Variants in FBXL17 observed in about 807,000 individuals in gnomAD.
FBXL17 encodes F-box/LRR-repeat protein 17.
A neutral mutation model predicts 66.2 loss-of-function variants in FBXL17; 22 were observed. That is an observed-to-expected ratio of 0.33 (90% confidence interval 0.24 to 0.47). The LOEUF is 0.47. Among genes scored for constraint, FBXL17 ranks in the 20% least tolerant of loss-of-function variants. The pLI, the probability that FBXL17 is intolerant of heterozygous loss-of-function variation, is 1.00. For synonymous variants in FBXL17, 474 were observed against 400.5 expected (o/e 1.18, Z -2.19); for missense variants, 878 against 948.2 (o/e 0.93, Z 0.97).
At chr5:108,133,491 T>C (rs1409373760) in intron 6 of FBXL17, among the ~76,000 whole-genome samples, 1 of 152,162 alleles carries the variant, frequency 6.6e-6, no homozygotes, top group Non-Finnish European at 1.5e-5. Flanking sequence ...ATTCAGTCAT[T>C]CAATCAGAGC....
chr5:108,250,766 A>G (rs1756314290), intron 4 of FBXL17, among the ~76,000 whole-genome samples: 1 of 152,120 alleles, frequency 6.6e-6, no homozygotes, highest in African/African-American at 2.4e-5. Flanking sequence ...TTGCTTATAA[A>G]TTGTTTAATG....
chr5:108,150,176 T>C (rs1318687051), intron 6 of FBXL17, among the ~76,000 whole-genome samples: 1 of 152,178 alleles, frequency 6.6e-6, no homozygotes, highest in East Asian at 1.9e-4. Flanking sequence ...ACTAGGACAG[T>C]CTCCTATTAA....
At chr5:107,909,789 C>G (rs576502755) in intron 7 of FBXL17, among the ~76,000 whole-genome samples, 3 of 152,166 alleles carry the variant, frequency 2.0e-5, no homozygotes, top group Non-Finnish European at 2.9e-5. Flanking sequence ...TGAGCCAGGC[C>G]GTCAGAATGC....
intron 7 of FBXL17, among the ~76,000 whole-genome samples, chr5:107,917,501 C>T (rs1337633874): frequency 6.6e-6 from 1 of 152,074 alleles, no homozygotes; most frequent in African/African-American, 2.4e-5. Flanking sequence ...TTGTAGCATA[C>T]TGAGCACTTT....
intron 7 of FBXL17, among the ~76,000 whole-genome samples, chr5:107,995,516 CT>C (rs1753436162): frequency 6.6e-6 from 1 of 151,946 alleles, no homozygotes; most frequent in Non-Finnish European, 1.5e-5. Context: ...AGAGGACAAA[CT>C]TTCCCTTACT....
intron 6 of FBXL17, among the ~76,000 whole-genome samples, chr5:108,107,512 T>G (rs1032570527): frequency 1.3e-5 from 2 of 152,048 alleles, no homozygotes; most frequent in African/African-American, 4.8e-5. Context: ...CTTTGTTAGA[T>G]TCCTTTAAGA....
In FBXL17 at chr5:108,058,311, C is replaced by T. The variant is rs541748209; in HGVS notation, c.1746-37310G>A. On this transcript the variant is annotated intron_variant, in intron 6 of 8. Coordinates refer to ENST00000542267, the MANE Select transcript of FBXL17 (RefSeq NM_001163315.3). ...AAATGTGATTGCAAAGTTCCTTTCT[C>T]GAAGAGGAACATCTTACATTTAGAA... Among the ~76,000 whole-genome samples the T allele has an allele frequency of 4.6e-5, 7 of 152,264 alleles. No individual in the cohort carries two copies. In the East Asian group the frequency reaches 5.8e-4, roughly 13 times the overall value.
intron 6 of FBXL17, among the ~76,000 whole-genome samples, chr5:108,090,150 C>T (rs541878560): frequency 1.3e-5 from 2 of 152,224 alleles, no homozygotes; most frequent in Admixed American, 1.3e-4. Flanking sequence ...TTTTAATAAG[C>T]TTAATCATAA....
rs1373577028 is a variant in FBXL17 at position 108,173,848 on chromosome 5, A to C, written c.1745+12269T>G. Among the ~76,000 whole-genome samples the C allele has an allele frequency of 2.0e-5, 3 of 152,238 alleles. No homozygotes were observed. In the East Asian group the frequency reaches 5.8e-4, roughly 29 times the overall value. On this transcript the variant is annotated intron_variant, in intron 6 of 8. Transcript: ENST00000542267. ...TTCTTTTCAGCTGAGGATGTGCTAC[A>C]ACACTGCTTCATAGAGAAACAGCTG... is the stretch of plus-strand genomic sequence containing the variant.
intron 4 of FBXL17, among the ~76,000 whole-genome samples, chr5:108,305,561 T>G (rs1758799065): frequency 6.6e-6 from 1 of 151,968 alleles, no homozygotes; most frequent in South Asian, 2.1e-4. Flanking sequence ...CTAAAGAGTG[T>G]GGCATCTCCA....
intron 7 of FBXL17, among the ~76,000 whole-genome samples, chr5:107,982,021 A>G (rs1312722024): frequency 2.0e-5 from 3 of 152,234 alleles, no homozygotes; most frequent in Non-Finnish European, 4.4e-5. Flanking sequence ...CATTTCTAAT[A>G]TAATACGGAG....
At chr5:108,260,738 G>C (rs1756780255) in intron 4 of FBXL17, among the ~76,000 whole-genome samples, 1 of 152,248 alleles carries the variant, frequency 6.6e-6, no homozygotes, top group Non-Finnish European at 1.5e-5. Context: ...CAGAGGAGCA[G>C]AGGAGGCAAT....
chr5:107,861,504 C>T lies in FBXL17; in HGVS notation c.*216G>A, dbSNP rs538058501. On this transcript the variant is annotated 3_prime_UTR_variant, in exon 9 of 9. Coordinates refer to ENST00000542267, the MANE Select transcript of FBXL17 (RefSeq NM_001163315.3). The stretch of plus-strand genomic sequence containing the variant: ...TAAAAACTAAAAAGTTTGTGGCTTT[C>T]ATAATCTTTAATTTCTAAGAAAAAA... The T allele has an allele frequency of 5.3e-6, 2 of 378,486 alleles. No homozygotes were observed. Among genetic ancestry groups the T allele is most frequent in the East Asian group, 8.3e-5 (2 of 24,128 alleles). The allele number at this position is 378,486 out of a possible 1,614,324, so 23.4% of individuals were successfully genotyped here.
At chr5:108,121,439 G>A (rs186745355) in intron 6 of FBXL17, among the ~76,000 whole-genome samples, 15 of 152,258 alleles carry the variant, frequency 9.9e-5, no homozygotes, top group South Asian at 4.2e-4. Flanking sequence ...TGACAAAAAT[G>A]TAAAGCAAGG....
At chr5:108,356,786 C>T (rs1748025398) in intron 3 of FBXL17, among the ~76,000 whole-genome samples, 1 of 151,848 alleles carries the variant, frequency 6.6e-6, no homozygotes, top group Non-Finnish European at 1.5e-5. Context: ...ATAGAATGTA[C>T]AATACCAAGA....
At chr5:107,867,894 T>C (rs1748330493) in intron 8 of FBXL17, among the ~76,000 whole-genome samples, 1 of 152,236 alleles carries the variant, frequency 6.6e-6, no homozygotes, top group Admixed American at 6.5e-5. Context: ...ACACGTAGTA[T>C]TAGGCTTTCG....
chr5:108,281,329 A>G (rs1388582579), intron 4 of FBXL17, among the ~76,000 whole-genome samples: 2 of 151,994 alleles, frequency 1.3e-5, no homozygotes, highest in Admixed American at 6.6e-5. Context: ...CTCAGGCCAC[A>G]GTAGAATAAA....
chr5:108,253,795 C>A (rs1756460618), intron 4 of FBXL17, among the ~76,000 whole-genome samples: 1 of 152,056 alleles, frequency 6.6e-6, no homozygotes, highest in Non-Finnish European at 1.5e-5. Flanking sequence ...GAGTTCAAGA[C>A]CAGCCTGGGC....
chr5:108,180,691 A>G (rs1387155488), intron 6 of FBXL17, among the ~76,000 whole-genome samples: 1 of 152,150 alleles, frequency 6.6e-6, no homozygotes, highest in African/African-American at 2.4e-5. Flanking sequence ...ACATAAATAC[A>G]AGATTCACAC....
Sources: gnomAD v4.1 joint callset for allele counts (sites outside exome capture counted in the v4.1 genomes callset) on GRCh38, gnomAD v4.1.1 for gene constraint, MANE v1.5 for transcripts, NCBI Gene and HGNC (gene_info 2026-07-23, HGNC 2026-07-21) for gene names.